KDM4C: variants seen among roughly 807,000 people sequenced by gnomAD.
KDM4C encodes lysine demethylase 4C.
KDM4C carries 81 observed loss-of-function variants against 129.3 expected under a neutral mutation model. The ratio of observed to expected loss-of-function variants is 0.63; its 90% confidence interval spans 0.52 to 0.75. The LOEUF (loss-of-function observed/expected upper bound fraction) is 0.75, where lower values mean the gene tolerates loss of function less well. KDM4C is among the 30% of genes least tolerant of loss of function. The pLI is 0.00. For missense variants in KDM4C, 1,457 were observed against 1,304.0 expected (o/e 1.12, Z -1.81); for synonymous variants, 573 against 456.1 (o/e 1.26, Z -3.26).
rs1191585240 is a variant in KDM4C, at chr9:6,813,133, C to T, written c.321-1498C>T. 3.3e-5 allele frequency among the ~76,000 whole-genome samples: 5 copies of T among 152,080 alleles called. No individual in the cohort carries two copies. The South Asian group carries it at 6.2e-4, about 19-fold the overall frequency. ...GAGGTTTCAGTGAGCCGAGATCGTG[C>T]CGCTGTACTCCAGCCTGGGCAACAA... On this transcript the variant is annotated intron_variant, in intron 3 of 21. Transcript: ENST00000381309.
Position 6,924,963 on chromosome 9 carries a change from G to A in KDM4C, c.921+31731G>A, listed in dbSNP as rs146765088. 8.2e-4 allele frequency: 804 copies of A among 985,178 alleles called. 7 individuals carry two copies. In the African/African-American group the frequency reaches 0.012, roughly 14 times the overall value. The allele number at this position is 985,178 out of a possible 1,614,324, so 61.0% of individuals were successfully genotyped here. ...TCTGACAGTGGTTATTTTAAAACAC[G>A]TTTTGGTAGAAGTGTTGATGTTTTG... On this transcript the variant is annotated intron_variant, in intron 8 of 21. Transcript: ENST00000381309.
intron 1 of KDM4C, among the ~76,000 whole-genome samples, chr9:6,786,319 G>C (rs930231634): frequency 3.3e-5 from 5 of 152,174 alleles, no homozygotes; most frequent in Admixed American, 2.0e-4. Context: ...AAACAAACAT[G>C]GGTTGTTATA....
At chr9:6,806,365 G>A (rs1327103100) in intron 3 of KDM4C, among the ~76,000 whole-genome samples, 3 of 151,986 alleles carry the variant, frequency 2.0e-5, no homozygotes, top group Admixed American at 6.6e-5. Flanking sequence ...GTGGTGGCAC[G>A]TGCCTGTAAT....
chr9:7,141,141 G>GTT (rs902562528), intron 19 of KDM4C, among the ~76,000 whole-genome samples: 2 of 151,956 alleles, frequency 1.3e-5, no homozygotes, highest in Non-Finnish European at 2.9e-5. Context: ...TATGAAGTAG[G>GTT]TTTTTTTTGG....
In KDM4C at chr9:6,746,275, T is replaced by C. The variant is rs1255339647; in HGVS notation, c.49+25278T>C. Among the ~76,000 whole-genome samples the C allele has an allele frequency of 1.5e-3, 207 of 138,812 alleles. 2 individuals carry two copies. Among genetic ancestry groups the C allele is most frequent in the African/African-American group, 5.4e-3 (201 of 37,464 alleles). 91.1% of individuals were successfully genotyped at this position (138,812 alleles called of 152,430 possible). Reference sequence around the variant, plus strand: ...ATATATATATATGTTTTTTTTTTTTTTTTTTTTTTTGGAGACCGAGTCTTG... The same window carrying C: ...ATATATATATATGTTTTTTTTTTTTCTTTTTTTTTTGGAGACCGAGTCTTG... On this transcript the variant is annotated intron_variant, in intron 1 of 17. Coordinates refer to the KDM4C transcript ENST00000536108.
At chr9:7,024,543 C>T (rs202113763) in intron 15 of KDM4C, among the ~76,000 whole-genome samples, 2 of 148,374 alleles carry the variant, frequency 1.3e-5, no homozygotes, top group Non-Finnish European at 3.0e-5. Flanking sequence ...TCCATGTGTT[C>T]TCATTGTTCA....
intron 1 of KDM4C, among the ~76,000 whole-genome samples, chr9:6,772,590 A>C (rs1822102169): frequency 1.3e-5 from 2 of 151,704 alleles, no homozygotes. Flanking sequence ...TGAACTCCTG[A>C]CCTCAAGTGA....
intron 15 of KDM4C, among the ~76,000 whole-genome samples, chr9:7,044,517 T>G (rs1282002263): frequency 6.6e-6 from 1 of 151,568 alleles, no homozygotes; most frequent in African/African-American, 2.4e-5. Flanking sequence ...GAGAACAGGG[T>G]GGATTTGGAG....
intron 15 of KDM4C, among the ~76,000 whole-genome samples, chr9:7,045,580 C>G (rs371544451): frequency 1.3e-5 from 2 of 151,976 alleles, no homozygotes; most frequent in South Asian, 2.1e-4. Flanking sequence ...TTCCAAAGGC[C>G]TCTAGGATAT....
intron 5 of KDM4C, among the ~76,000 whole-genome samples, chr9:6,865,996 G>A (rs188546585): frequency 9.9e-5 from 15 of 151,990 alleles, no homozygotes; most frequent in Admixed American, 8.5e-4. Context: ...CTTGTGATCC[G>A]CCCGCCTCGG....
intron 6 of KDM4C, among the ~76,000 whole-genome samples, chr9:6,886,812 G>A (rs760671787): frequency 8.6e-5 from 13 of 151,984 alleles, no homozygotes; most frequent in Non-Finnish European, 1.6e-4. Flanking sequence ...AGTAGAACCC[G>A]GGTTTTGCTG....
Position 6,986,331 on chromosome 9 carries a change from G to T in KDM4C, c.1355-13G>T. 1.9e-6 allele frequency: 3 copies of T among 1,585,566 alleles called. No homozygotes were observed. The highest frequency in any genetic ancestry group is 2.6e-6 in the Non-Finnish European group (3 of 1,158,984). ...GTGCATGATTTATTAACAGTCTTCTGTTTTATCCTCAGGAAACAGCTGCTT... is the reference window on the plus strand; with the variant it reads ...GTGCATGATTTATTAACAGTCTTCTTTTTTATCCTCAGGAAACAGCTGCTT... On this transcript the variant is annotated splice_polypyrimidine_tract_variant and intron_variant, in intron 10 of 21. Coordinates refer to ENST00000381309, the MANE Select transcript of KDM4C (RefSeq NM_015061.6).
At chr9:6,867,049 C>G (rs1028190723) in intron 5 of KDM4C, among the ~76,000 whole-genome samples, 2 of 142,624 alleles carry the variant, frequency 1.4e-5, no homozygotes, top group African/African-American at 2.7e-5. Context: ...TGGAATCTTG[C>G]TCTGTCACCA....
intron 8 of KDM4C, among the ~76,000 whole-genome samples, chr9:6,913,695 A>G (rs1048267936): frequency 1.3e-5 from 2 of 152,218 alleles, no homozygotes; most frequent in African/African-American, 4.8e-5. Context: ...AAGCTAGCAC[A>G]TGGGAAAAAT....
At chr9:7,139,565 T>A (rs1286048897) in intron 19 of KDM4C, among the ~76,000 whole-genome samples, 1 of 152,210 alleles carries the variant, frequency 6.6e-6, no homozygotes, top group Non-Finnish European at 1.5e-5. Flanking sequence ...GTATATATAT[T>A]GTAAAGACTG....
chr9:7,126,234 A>G (rs959646756), intron 18 of KDM4C, among the ~76,000 whole-genome samples: 1 of 152,176 alleles, frequency 6.6e-6, no homozygotes, highest in Non-Finnish European at 1.5e-5. Context: ...TGAAATAAAG[A>G]TGGAGTCTAC....
chr9:6,793,296 T>G (rs1477046655), intron 2 of KDM4C, among the ~76,000 whole-genome samples, 164 bp downstream of exon 2: 1 of 152,106 alleles, frequency 6.6e-6, no homozygotes, highest in Non-Finnish European at 1.5e-5. Context: ...AGTAATTGTC[T>G]TATTTTTCCT....
At chr9:6,793,703 G>A (rs1286190087) in intron 2 of KDM4C, among the ~76,000 whole-genome samples, 4 of 151,624 alleles carry the variant, frequency 2.6e-5, no homozygotes, top group African/African-American at 7.3e-5. Context: ...ACCATGCCCC[G>A]CTAATTTTTT....
At chr9:6,744,447 C>A (rs7048013) in intron 1 of KDM4C, among the ~76,000 whole-genome samples, 45,058 of 151,968 alleles carry the variant, frequency 0.3, 7,432 homozygotes, top group African/African-American at 0.44. Flanking sequence ...ATTGCTTGAA[C>A]CTGGGAGGCG....
Sources: allele counts gnomAD v4.1 joint callset (sites outside exome capture counted in the v4.1 genomes callset), GRCh38; gene constraint gnomAD v4.1.1; transcripts MANE v1.5; gene names NCBI Gene and HGNC (gene_info 2026-07-23, HGNC 2026-07-21).